ARL6: variants seen among roughly 807,000 people sequenced by gnomAD.
ARL6 encodes the protein ARF like GTPase 6, also known as ADP-ribosylation factor-like protein 6.
In ARL6, 18 loss-of-function variants were observed where a neutral mutation model predicts 27.1. The observed-to-expected ratio is 0.66, with a 90% CI of 0.46 to 0.98. ARL6 has a LOEUF of 0.98. ARL6 is among the 50% of genes least tolerant of loss of function. The pLI, the probability that ARL6 is intolerant of heterozygous loss-of-function variation, is 0.00. For synonymous variants in ARL6, 65 were observed against 72.3 expected, an observed-to-expected ratio of 0.90 and a Z score of 0.51; for missense variants, 187 against 214.9, an observed-to-expected ratio of 0.87 and a Z score of 0.81.
At chr3:97,765,435 G>A (rs1395331090) in intron 1 of ARL6, among the ~76,000 whole-genome samples, 1 of 152,090 alleles carries the variant, frequency 6.6e-6, no homozygotes, top group African/African-American at 2.4e-5. Flanking sequence ...GTTAACTGTG[G>A]ATAACATCCT....
chr3:97,779,460 TG>T (rs1321827412), intron 2 of ARL6, among the ~76,000 whole-genome samples: 1 of 152,160 alleles, frequency 6.6e-6, no homozygotes, highest in Non-Finnish European at 1.5e-5. Context: ...CACTTATCTC[TG>T]CTCAAAATTG....
At position 97,799,827 on chromosome 3, in the gene ARL6, C is replaced by G. The variant is rs1436639454; in HGVS notation, c.*1778C>G. 1 of 152,158 alleles carries G rather than the reference C, an allele frequency of 6.6e-6. No homozygotes were observed. Among genetic ancestry groups the G allele is most frequent in the East Asian group, 1.9e-4 (1 of 5,188 alleles). 9.4% of individuals were successfully genotyped at this position (152,158 alleles called of 1,614,324 possible). A position where few individuals can be genotyped will look rare whatever the true frequency, so the allele number is the denominator to read the frequency against. ...GTAAGTCTGGTACTAGGATTCAGTA[C>G]CAAGCAGTCTGTTTTAAGACAGATG... On this transcript the variant is annotated 3_prime_UTR_variant, in exon 8 of 8. Transcript: ENST00000463745.
chr3:97,778,747 ATATAT>A (rs2037032533), intron 2 of ARL6, among the ~76,000 whole-genome samples: 1 of 152,204 alleles, frequency 6.6e-6, no homozygotes, highest in African/African-American at 2.4e-5. Flanking sequence ...GATAATAATA[ATATAT>A]TTCACATTTG....
chr3:97,777,460 T>C (rs184668283), intron 2 of ARL6, among the ~76,000 whole-genome samples: 150 of 152,318 alleles, frequency 9.8e-4, no homozygotes, highest in Admixed American at 2.7e-3. Context: ...AGATTACTAA[T>C]AATACTTTAA....
chr3:97,766,739 G>A (rs991781489), intron 1 of ARL6: 1 of 152,210 alleles, frequency 6.6e-6, no homozygotes, highest in Non-Finnish European at 1.5e-5. Flanking sequence ...TGAAGAAACT[G>A]TAATATGACA....
At chr3:97,797,244 T>C (rs538984625) in intron 7 of ARL6, among the ~76,000 whole-genome samples, 112 of 152,300 alleles carry the variant, frequency 7.4e-4, no homozygotes, top group Non-Finnish European at 1.4e-3. Flanking sequence ...TGTAATGTAC[T>C]TCATAGTAAT....
intron 5 of ARL6, among the ~76,000 whole-genome samples, chr3:97,787,296 G>T (rs919307344): frequency 2.6e-5 from 4 of 152,032 alleles, no homozygotes; most frequent in Non-Finnish European, 5.9e-5. Flanking sequence ...AAAGATAAAG[G>T]TATAAAGTAA....
chr3:97,796,364 AT>A (rs2038003822), intron 7 of ARL6, among the ~76,000 whole-genome samples: 1 of 152,152 alleles, frequency 6.6e-6, no homozygotes, highest in South Asian at 2.1e-4. Context: ...GAAAATAAGA[AT>A]ATAGTAGTTG....
At chr3:97,792,024 T>C (rs2037765375) in intron 7 of ARL6, 198 bp downstream of exon 7, 1 of 564,482 alleles carries the variant, frequency 1.8e-6, no homozygotes, top group Non-Finnish European at 3.1e-6. Flanking sequence ...AGGATTTATT[T>C]ACATAAAGTG....
chr3:97,777,478 T>A (rs748151132), intron 2 of ARL6, among the ~76,000 whole-genome samples: 1 of 152,208 alleles, frequency 6.6e-6, no homozygotes. Flanking sequence ...TAATACAATA[T>A]AAATACTATG....
chr3:97,794,907 T>C (rs777428891), intron 7 of ARL6, among the ~76,000 whole-genome samples: 1 of 152,002 alleles, frequency 6.6e-6, no homozygotes, highest in Non-Finnish European at 1.5e-5. Flanking sequence ...CCAACTATAG[T>C]GAAACACTAT....
chr3:97,786,766 T>C (rs1217831061), intron 5 of ARL6, among the ~76,000 whole-genome samples: 1 of 152,144 alleles, frequency 6.6e-6, no homozygotes, highest in Non-Finnish European at 1.5e-5. Flanking sequence ...AGTAAGAATA[T>C]AAAAGCTTAA....
intron 1 of ARL6, among the ~76,000 whole-genome samples, chr3:97,765,563 A>G (rs1559665080): frequency 6.6e-6 from 1 of 152,170 alleles, no homozygotes; most frequent in Non-Finnish European, 1.5e-5. Flanking sequence ...AGAAACAAGA[A>G]AGGAAGATTG....
chr3:97,797,785 C>T (rs143410120), intron 7 of ARL6, among the ~76,000 whole-genome samples: 75 of 152,118 alleles, frequency 4.9e-4, no homozygotes, highest in African/African-American at 1.8e-3. Flanking sequence ...TGTAGCTGGA[C>T]CTGGTGCACA....
chr3:97,796,399 A>G (rs538946010), intron 7 of ARL6, among the ~76,000 whole-genome samples: 1 of 152,252 alleles, frequency 6.6e-6, no homozygotes, highest in African/African-American at 2.4e-5. Context: ...AGTTTTAAAA[A>G]GATGATAAAA....
At chr3:97,785,487 C>CATAT (rs5851081) in intron 5 of ARL6, among the ~76,000 whole-genome samples, 3 of 145,896 alleles carry the variant, frequency 2.1e-5, no homozygotes, top group South Asian at 2.2e-4. Context: ...CATATTTATT[C>CATAT]ATATATATAT....
intron 2 of ARL6, among the ~76,000 whole-genome samples, chr3:97,774,262 A>T (rs1317497592): frequency 1.3e-5 from 2 of 151,976 alleles, no homozygotes; most frequent in Non-Finnish European, 2.9e-5. Context: ...CATGGATCAC[A>T]CTCTCAACCT....
intron 7 of ARL6, among the ~76,000 whole-genome samples, chr3:97,794,383 T>A (rs977940682): frequency 6.6e-6 from 1 of 151,986 alleles, no homozygotes; most frequent in African/African-American, 2.4e-5. Flanking sequence ...CAGCTAATTT[T>A]TTGTATTTTT....
At chr3:97,774,360 C>T (rs114151140) in intron 2 of ARL6, among the ~76,000 whole-genome samples, 5,856 of 152,068 alleles carry the variant, frequency 0.039, 207 homozygotes, top group African/African-American at 0.095. Context: ...TAGAAGCAGG[C>T]GGGGGTATTG....
Sources: allele counts gnomAD v4.1 joint callset (sites outside exome capture counted in the v4.1 genomes callset), GRCh38; gene constraint gnomAD v4.1.1; transcripts MANE v1.5; gene names NCBI Gene and HGNC (gene_info 2026-07-23, HGNC 2026-07-21).